The following HP variants were observed in gnomAD, a reference collection of about 807,000 sequenced individuals.
HP encodes haptoglobin alpha(1S)-beta.
In HP, 9 loss-of-function variants were observed where a neutral mutation model predicts 23.2. That is an observed-to-expected ratio of 0.39 (90% CI 0.23 to 0.68). The LOEUF (loss-of-function observed/expected upper bound fraction) is 0.68, where lower values mean the gene tolerates loss of function less well. Ranked by LOEUF, HP falls within the 30% of genes least tolerant of loss-of-function variation. HP has a pLI of 0.47. For missense variants in HP, 433 were observed against 483.6 expected, an observed-to-expected ratio of 0.90 and a Z score of 0.98; for synonymous variants, 155 against 183.3, an observed-to-expected ratio of 0.85 and a Z score of 1.25.
Position 72,060,962 on chromosome 16 carries a change from G to T in HP, c.*72G>T. On this transcript the variant is annotated 3_prime_UTR_variant, in exon 7 of 7. Coordinates refer to ENST00000355906, the MANE Select transcript of HP (RefSeq NM_005143.5). ...GGAAGAGGGCAAAGTGGACGGGAGTGGACAGGAGTGGATGCGATAAGATGT... is the reference window on the plus strand; with the variant it reads ...GGAAGAGGGCAAAGTGGACGGGAGTTGACAGGAGTGGATGCGATAAGATGT... 1 of 1,503,898 alleles carries T rather than the reference G, an allele frequency of 6.6e-7. No individual in the cohort carries two copies. The highest frequency in any genetic ancestry group is 8.9e-7 in the Non-Finnish European group (1 of 1,121,968). 93.2% of individuals were successfully genotyped at this position (1,503,898 alleles called of 1,614,324 possible).
Position 72,059,145 on chromosome 16 carries a change from G to A in HP, c.399G>A (p.Trp133Ter), listed in dbSNP as rs371099885. 1.9e-6 allele frequency: 3 copies of A among 1,565,572 alleles called. No homozygotes were observed. Among genetic ancestry groups the A allele is most frequent in the Non-Finnish European group, 2.6e-6 (3 of 1,149,074 alleles). ...GVYTLNNEKQ[W>*]INKAVGDKLP... Reference sequence around the variant, plus strand: ...ACACCTTAAACAATGAGAAGCAGTGGATAAATAAGGCTGTTGGAGATAAAC... The same window carrying A: ...ACACCTTAAACAATGAGAAGCAGTGAATAAATAAGGCTGTTGGAGATAAAC... Residue 133 changes from tryptophan to a stop codon, truncating the protein, a stop_gained, in exon 6 of 7, where the codon TGG becomes TGA. Coordinates refer to ENST00000355906, the MANE Select transcript of HP (RefSeq NM_005143.5). LOFTEE classifies it low-confidence loss of function (END_TRUNC).
rs1343878714 is a variant in HP at position 72,057,699 on chromosome 16, G to A, written c.265+233G>A. ...AAGGGCACTGGCTGAATCCACTGTC[G>A]GCACTGCCCACAGATCAGGAGAGCC... On this transcript the variant is annotated intron_variant, in intron 4 of 6. Coordinates refer to ENST00000355906, the MANE Select transcript of HP (RefSeq NM_005143.5). The A allele has an allele frequency of 2.4e-5, 12 of 504,536 alleles. 3 individuals carry two copies. The highest frequency in any genetic ancestry group is 6.0e-5 in the South Asian group (3 of 49,904). 31.3% of individuals were successfully genotyped at this position (504,536 alleles called of 1,614,324 possible). A position where few individuals can be genotyped will look rare whatever the true frequency, so the allele number is the denominator to read the frequency against.
rs1405406091 is a variant in HP, at chr16:72,056,534, C to T, written c.93C>T (p.Asp31=). The T allele has an allele frequency of 1.4e-5, 21 of 1,509,986 alleles. No individual in the cohort carries two copies. Among genetic ancestry groups the T allele is most frequent in the African/African-American group, 2.9e-5 (2 of 67,966 alleles). 93.5% of individuals were successfully genotyped at this position (1,509,986 alleles called of 1,614,324 possible). A position where few individuals can be genotyped will look rare whatever the true frequency, so the allele number is the denominator to read the frequency against. Residue 31 remains aspartate, a synonymous_variant, in exon 3 of 7, where the codon GAC becomes GAT. Transcript: ENST00000355906. ...SGNDVTDIAD[D]GCPKPPEIAH... ...CTGGCTTCTCTCTCTTTGCAGATGA[C>T]GGCTGCCCGAAGCCCCCCGAGATTG...
At chr16:72,057,062 C>A (rs982294841) in intron 3 of HP, 2 of 377,808 alleles carry the variant, frequency 5.3e-6, no homozygotes, top group Admixed American at 4.8e-5. Flanking sequence ...GATAAGGAAA[C>A]TGAGGCACAG....
At chr16:72,055,761 C>T in intron 1 of HP, 1 of 297,948 alleles carries the variant, frequency 3.4e-6, no homozygotes, top group South Asian at 3.3e-5. Flanking sequence ...ATTTTATTAC[C>T]ACTATCTTTG....
In HP at chr16:72,060,827, T is replaced by C. The variant is rs2041534518; in HGVS notation, c.1158T>C (p.Tyr386=). 6.2e-7 allele frequency: 1 copy of C among 1,613,144 alleles called. No homozygotes were observed. Among genetic ancestry groups the C allele is most frequent in the Admixed American group, 1.7e-5 (1 of 59,988 alleles). The change falls in exon 7 of 7, where the codon TAT becomes TAC. Residue 386 remains tyrosine, a synonymous_variant. Coordinates refer to ENST00000355906, the MANE Select transcript of HP (RefSeq NM_005143.5). ...ATAAGAGCTGTGCTGTGGCTGAGTA[T>C]GGTGTGTATGTGAAGGTGACTTCCA... The part of the protein sequence containing the change: ...SFDKSCAVAE[Y]GVYVKVTSIQ...
chr16:72,057,100 G>A, intron 3 of HP: 1 of 479,528 alleles, frequency 2.1e-6, no homozygotes, highest in South Asian at 2.1e-5. Context: ...CCCAAATTCA[G>A]GCAGCCTGTA....
At chr16:72,054,957 A>G (rs2041435876) in intron 1 of HP, 2 of 568,358 alleles carry the variant, frequency 3.5e-6, no homozygotes, top group Admixed American at 3.1e-5. Context: ...TCCTGAGTAT[A>G]TTTATTAGCA....
At chr16:72,055,473 A>G (rs1450106575) in intron 1 of HP, 1 of 159,820 alleles carries the variant, frequency 6.3e-6, no homozygotes, top group Non-Finnish European at 1.4e-5. Context: ...TAGTGCCCGA[A>G]TGGTTGGCAT....
rs1339348843 is a variant in HP, at chr16:72,057,283, G to C, written c.191-109G>C. 2.3e-6 allele frequency: 2 copies of C among 884,324 alleles called. 1 individual carries two copies. The highest frequency in any genetic ancestry group is 3.5e-5 in the African/African-American group (2 of 57,534). 54.8% of individuals were successfully genotyped at this position (884,324 alleles called of 1,614,324 possible). A position where few individuals can be genotyped will look rare whatever the true frequency, so the allele number is the denominator to read the frequency against. ...CTCTCTCCTTTCTCCCTTCCTGTCT[G>C]CCTCCTTTCTTCTTCTTCTTTTTAA... On this transcript the variant is annotated intron_variant, in intron 3 of 6. Transcript: ENST00000355906.
At chr16:72,059,748 G>T in intron 6 of HP, 1 of 374,532 alleles carries the variant, frequency 2.7e-6, no homozygotes, top group Non-Finnish European at 4.9e-6. Flanking sequence ...TCTTTCTTTA[G>T]AGAGAATGAA....
Position 72,060,453 on chromosome 16 carries a change from G to C in HP, c.784G>C (p.Val262Leu), listed in dbSNP as rs1196326399. The C allele has an allele frequency of 1.2e-6, 2 of 1,614,216 alleles. No homozygotes were observed. The highest frequency in any genetic ancestry group is 8.5e-7 in the Non-Finnish European group (1 of 1,180,042). Residue 262 changes from valine to leucine, a missense_variant, in exon 7 of 7, where the codon GTG becomes CTG. Transcript: ENST00000355906. ...ACAGAAGGTGTCTGTTAATGAGAGAGTGATGCCCATCTGCCTACCTTCAAA... is the reference window on the plus strand; with the variant it reads ...ACAGAAGGTGTCTGTTAATGAGAGACTGATGCCCATCTGCCTACCTTCAAA... ...LKQKVSVNER[V>L]MPICLPSKDY...
chr16:72,059,349 C>T, intron 6 of HP, 161 bp downstream of exon 6: 3 of 1,033,980 alleles, frequency 2.9e-6, no homozygotes, highest in Non-Finnish European at 4.3e-6. Context: ...TAGGTGATGA[C>T]TCCCTAAGGG....
Position 72,058,323 on chromosome 16 carries a change from A to G in HP, c.335A>G (p.Lys112Arg), listed in dbSNP as rs577529488. The G allele has an allele frequency of 1.3e-6, 1 of 767,312 alleles. No homozygotes were observed. The highest frequency in any genetic ancestry group is 1.5e-5 in the South Asian group (1 of 68,758). 47.5% of individuals were successfully genotyped at this position (767,312 alleles called of 1,614,324 possible). The change falls in exon 5 of 7, where the codon AAG becomes AGG. Residue 112 changes from lysine to arginine, a missense_variant. Lys to Arg is a conservative substitution (Grantham distance 26, BLOSUM62 2). This residue lies in a region of HP where 326 missense variants were observed against 358.1 expected (regional missense o/e 0.91). Transcript: ENST00000355906. ...YVEHSVRYQC[K>R]NYYKLRTEGD... ...GAGCACTCGGTTCGCTACCAGTGTA[A>G]GAACTACTACAAACTGCGCACAGAA...
In HP at chr16:72,056,227, T is replaced by A. The variant is rs1456805186; in HGVS notation, c.72T>A (p.Asp24Glu). 1 of 1,613,958 alleles carries A rather than the reference T, an allele frequency of 6.2e-7. No individual in the cohort carries two copies. The highest frequency in any genetic ancestry group is 8.5e-7 in the Non-Finnish European group (1 of 1,180,004). ...TTTTTGCAGTGGACTCAGGCAATGA[T>A]GTCACGGATATCGCAGGTCAGTCTT... ...GQLFAVDSGN[D>E]VTDIADDGCP... Residue 24 changes from aspartate (D) to glutamate (E), a missense_variant, in exon 2 of 7, where the codon GAT (aspartate) becomes GAA (glutamate). Physicochemically the swap from Asp to Glu is conservative, Grantham distance 45. Transcript: ENST00000355906.
chr16:72,059,860 A>G, intron 6 of HP: 1 of 847,508 alleles, frequency 1.2e-6, no homozygotes, highest in Non-Finnish European at 1.8e-6. Flanking sequence ...GCCAGGGCTC[A>G]AAAATCTCAG....
rs542114461 is a variant in HP, at chr16:72,060,191, C to T, written c.522C>T (p.Pro174=). The change falls in exon 7 of 7, where the codon CCC becomes CCT. Residue 174 remains proline (P), a synonymous_variant. Transcript: ENST00000355906. The part of the protein sequence containing the change: ...GGHLDAKGSF[P]WQAKMVSHHN... ...ACCTGGATGCCAAAGGCAGCTTTCC[C>T]TGGCAGGCTAAGATGGTTTCCCACC... is the stretch of plus-strand genomic sequence containing the variant. 1.5e-5 allele frequency: 24 copies of T among 1,614,150 alleles called. No individual in the cohort carries two copies. In the African/African-American group the frequency reaches 3.2e-4, roughly 22 times the overall value.
chr16:72,056,191 C>G lies in HP; in HGVS notation c.36C>G (p.Leu12=). The G allele has an allele frequency of 6.2e-7, 1 of 1,613,998 alleles. No homozygotes were observed. The highest frequency in any genetic ancestry group is 1.3e-5 in the African/African-American group (1 of 75,016). ...SALGAVIALL[L]WGQLFAVDSG... ...TGGGAGCTGTCATTGCCCTCCTGCTCTGGGGACAGCTTTTTGCAGTGGACT... is the reference window on the plus strand; with the variant it reads ...TGGGAGCTGTCATTGCCCTCCTGCTGTGGGGACAGCTTTTTGCAGTGGACT... The change falls in exon 2 of 7, where the codon CTC becomes CTG. Residue 12 remains leucine, a synonymous_variant. Coordinates refer to ENST00000355906, the MANE Select transcript of HP (RefSeq NM_005143.5).
At position 72,060,396 on chromosome 16, in the gene HP, T is replaced by C. The variant is rs587660; in HGVS notation, c.727T>C (p.Ser243Pro). 5.6e-5 allele frequency: 91 copies of C among 1,614,004 alleles called. No homozygotes were observed. Among genetic ancestry groups the C allele is most frequent in the Non-Finnish European group, 6.8e-5 (80 of 1,180,026 alleles). The part of the protein sequence containing the change: ...IEKVVLHPNY[S>P]QVDIGLIKLK... Reference sequence around the variant, plus strand: ...GAAGGTTGTTCTACACCCTAACTACTCCCAGGTAGATATTGGGCTCATCAA... The same window carrying C: ...GAAGGTTGTTCTACACCCTAACTACCCCCAGGTAGATATTGGGCTCATCAA... The change falls in exon 7 of 7, where the codon TCC (serine) becomes CCC (proline). Residue 243 changes from serine (S) to proline (P), a missense_variant. Around this residue, in one of 3 missense-constraint regions of HP, gnomAD observed 326 missense variants for 358.1 expected, o/e 0.91. Coordinates refer to ENST00000355906, the MANE Select transcript of HP (RefSeq NM_005143.5).
Sources: gnomAD v4.1 joint callset for allele counts on GRCh38, gnomAD v4.1.1 for gene constraint, gnomAD v4.1.1 regional missense constraint, MANE v1.5 for transcripts, NCBI Gene and HGNC (gene_info 2026-07-23, HGNC 2026-07-21) for gene names.